The following GPRIN2 variants were observed in gnomAD, a reference collection of about 807,000 sequenced individuals.
GPRIN2 encodes G protein regulated inducer of neurite outgrowth 2.
GPRIN2 carries 1 observed loss-of-function variant against 0.3 expected under a neutral mutation model. The observed-to-expected ratio is 3.90, with a 90% CI of 1.39 to 18.51. GPRIN2 has a LOEUF of 18.51. Among genes scored for constraint, GPRIN2 ranks in the 30% most tolerant of loss-of-function variants. The pLI is 0.11. For synonymous variants in GPRIN2, 361 were observed against 258.6 expected (o/e 1.40, Z -3.80); for missense variants, 880 against 604.2 (o/e 1.46, Z -4.79).
rs3127848 is a variant in GPRIN2 at position 46,543,510 on chromosome 10, T to G, written c.*5850A>C. The stretch of plus-strand genomic sequence containing the variant: ...GTCCTTGGCTGTGTGCACACAGAGG[T>G]GCTGCAGTCCTGGGGCCATGTTCAT... On this transcript the variant is annotated 3_prime_UTR_variant, in exon 3 of 3. Transcript: ENST00000374314. 6.6e-6 allele frequency among the ~76,000 whole-genome samples: 1 copy of G among 152,262 alleles called. No homozygotes were observed.
chr10:46,553,136 G>A (rs1832067542), intron 2 of GPRIN2, among the ~76,000 whole-genome samples: 2 of 152,426 alleles, frequency 1.3e-5, no homozygotes, highest in South Asian at 4.1e-4. Flanking sequence ...GCTCAGAGAG[G>A]CTCAGTGACC....
At chr10:46,553,210 T>C (rs1293511412) in intron 2 of GPRIN2, among the ~76,000 whole-genome samples, 2 of 152,308 alleles carry the variant, frequency 1.3e-5, no homozygotes, top group Admixed American at 6.5e-5. Flanking sequence ...AGCAGGCCTA[T>C]GCCTCGCAGC....
rs888936889 is a variant in GPRIN2 at position 46,543,396 on chromosome 10, A to C, written c.*5964T>G. On this transcript the variant is annotated 3_prime_UTR_variant, in exon 3 of 3. Coordinates refer to ENST00000374314, the MANE Select transcript of GPRIN2 (RefSeq NM_001385282.1). ...CAGAACAAAGAGAACATGAAACCAC[A>C]AAAGAAGAACAGATTAAAGAGAAAT... 1.3e-5 allele frequency among the ~76,000 whole-genome samples: 2 copies of C among 152,310 alleles called. No homozygotes were observed. The highest frequency in any genetic ancestry group is 2.9e-5 in the Non-Finnish European group (2 of 68,058).
chr10:46,557,367 A>C (rs1843358203), upstream of GPRIN2, among the ~76,000 whole-genome samples: 1 of 152,300 alleles, frequency 6.6e-6, no homozygotes, highest in Non-Finnish European at 1.5e-5. Context: ...ATTGCCCCTC[A>C]AGAGCCCAGC....
rs1588954692 is a variant in GPRIN2 at position 46,546,701 on chromosome 10, G to C, written c.*2659C>G. Among the ~76,000 whole-genome samples the C allele has an allele frequency of 3.9e-5, 6 of 152,308 alleles. No individual in the cohort carries two copies. The South Asian group carries it at 1.0e-3, about 26-fold the overall frequency. On this transcript the variant is annotated 3_prime_UTR_variant, in exon 3 of 3. Transcript: ENST00000374314. ...CTGTTCCAGGAGAGGGCACAGCAAA[G>C]GGGGTTGGGAGGGGTCTCCAGTTCC...
At position 46,549,039 on chromosome 10, in the gene GPRIN2, G is replaced by A; in HGVS notation, c.*321C>T. ...TGACGAGGCAACATGGCAGAGTTCT[G>A]AGGGTGGAGTGAACAAAAGGTCATT... On this transcript the variant is annotated 3_prime_UTR_variant, in exon 3 of 3. Transcript: ENST00000374314. The A allele has an allele frequency of 5.1e-6, 2 of 390,834 alleles. No individual in the cohort carries two copies. Among genetic ancestry groups the A allele is most frequent in the Non-Finnish European group, 9.4e-6 (2 of 213,478 alleles). 24.2% of individuals were successfully genotyped at this position (390,834 alleles called of 1,614,324 possible). A position where few individuals can be genotyped will look rare whatever the true frequency, so the allele number is the denominator to read the frequency against.
In GPRIN2 at chr10:46,549,621, C is replaced by A. The variant is rs1832651424; in HGVS notation, c.1116G>T (p.Leu372=). The A allele has an allele frequency of 6.2e-7, 1 of 1,614,270 alleles. No homozygotes were observed. The highest frequency in any genetic ancestry group is 8.5e-7 in the Non-Finnish European group (1 of 1,180,022). ...VFPEVTLGSS[L]EEVPSPVRDV... ...CCCGCACAGGGGACGGCACCTCCTC[C>A]AGGCTGGACCCCAGAGTTACCTCTG... is the stretch of plus-strand genomic sequence containing the variant. Residue 372 remains leucine, a synonymous_variant, in exon 3 of 3, where the codon CTG becomes CTT. Transcript: ENST00000374314.
intron 1 of GPRIN2, among the ~76,000 whole-genome samples, chr10:46,555,164 C>T (rs1831935617): frequency 2.6e-4 from 39 of 152,414 alleles, no homozygotes; most frequent in African/African-American, 9.4e-4. Flanking sequence ...CCAGGCTGGT[C>T]TCGAACTCCT....
rs1842973884 is a variant in GPRIN2 at position 46,554,677 on chromosome 10, A to C, written c.-99T>G. ...CAATGCCAGGCTGTCCTGCTGCCTC[A>C]GGTTCCACCTGTCAGCAACTGGAAG... On this transcript the variant is annotated 5_prime_UTR_variant, in exon 2 of 3. Transcript: ENST00000374314. 2 of 153,880 alleles carry C rather than the reference A, an allele frequency of 1.3e-5. No individual in the cohort carries two copies. Among genetic ancestry groups the C allele is most frequent in the Non-Finnish European group, 2.9e-5 (2 of 69,248 alleles). The allele number at this position is 153,880 out of a possible 1,614,324, so 9.5% of individuals were successfully genotyped here.
Position 46,549,935 on chromosome 10 carries a change from A to ACTCGCT in GPRIN2, c.796_801dup (p.Glu267_Ser268dup), listed in dbSNP as rs1832542364. The ACTCGCT allele has an allele frequency of 1.2e-6, 2 of 1,614,284 alleles. No homozygotes were observed. Among genetic ancestry groups the ACTCGCT allele is most frequent in the South Asian group, 2.2e-5 (2 of 91,092 alleles). On this transcript the variant is annotated inframe_insertion, in exon 3 of 3. Transcript: ENST00000374314. Reference sequence around the variant, plus strand: ...ACCCCATGCTGAGCCTGCAGCCCAGACTCGCTCACTGACGCCACTAGTTTG... The same window carrying ACTCGCT: ...ACCCCATGCTGAGCCTGCAGCCCAGACTCGCTCTCGCTCACTGACGCCACTAGTTTG...
In GPRIN2 at chr10:46,550,687, C is replaced by G. The variant is rs144446753; in HGVS notation, c.50G>C (p.Arg17Pro). ...AGAGCTCTGGGACAGGGGCTGAAGG[C>G]GGGGGCTCAGGGGTGCCCAGGGACC... ...EPGPWAPLSP[R>P]LQPLSQSSSS... The change falls in exon 3 of 3, where the codon CGC becomes CCC. Residue 17 changes from arginine (R) to proline (P), a missense_variant. By Grantham distance (103) the Arg-to-Pro change is moderately radical (BLOSUM62 -2). Coordinates refer to ENST00000374314, the MANE Select transcript of GPRIN2 (RefSeq NM_001385282.1). The G allele has an allele frequency of 1.2e-5, 18 of 1,519,498 alleles. No homozygotes were observed. The African/African-American group carries it at 2.2e-4, about 19-fold the overall frequency. The allele number at this position is 1,519,498 out of a possible 1,614,324, so 94.1% of individuals were successfully genotyped here.
At chr10:46,552,007 C>T (rs1832149455) in intron 2 of GPRIN2, among the ~76,000 whole-genome samples, 1 of 152,430 alleles carries the variant, frequency 6.6e-6, no homozygotes, top group East Asian at 1.9e-4. Context: ...GTGTGCCTGA[C>T]CAAGAGAACA....
Position 46,547,559 on chromosome 10 carries a change from C to T in GPRIN2, c.*1801G>A, listed in dbSNP as rs1842277142. Reference sequence around the variant, plus strand: ...TGCCAGGCAGGTCCTGCCCTCTCTCCACCCACCTGTCTAACCCCTGCATCC... The same window carrying T: ...TGCCAGGCAGGTCCTGCCCTCTCTCTACCCACCTGTCTAACCCCTGCATCC... On this transcript the variant is annotated 3_prime_UTR_variant, in exon 3 of 3. Transcript: ENST00000374314. Among the ~76,000 whole-genome samples, 2 of 152,306 alleles carry T rather than the reference C, an allele frequency of 1.3e-5. No individual in the cohort carries two copies. The highest frequency in any genetic ancestry group is 2.9e-5 in the Non-Finnish European group (2 of 68,056).
chr10:46,545,215 G>T lies in GPRIN2; in HGVS notation c.*4145C>A, dbSNP rs1842050946. 6.6e-6 allele frequency among the ~76,000 whole-genome samples: 1 copy of T among 152,310 alleles called. No individual in the cohort carries two copies. The highest frequency in any genetic ancestry group is 6.5e-5 in the Admixed American group (1 of 15,294). On this transcript the variant is annotated 3_prime_UTR_variant, in exon 3 of 3. Transcript: ENST00000374314. ...CCCCCAGATGCCTGTGACTCCCTCT[G>T]GTGGTTTCTGTGCACAACTTCCCCC... is the stretch of plus-strand genomic sequence containing the variant.
chr10:46,550,163 TCGCCCCCAG>T lies in GPRIN2; in HGVS notation c.565_573del (p.Leu189_Ala191del), dbSNP rs1842478231. 1.3e-6 allele frequency: 2 copies of T among 1,599,260 alleles called. No homozygotes were observed. The highest frequency in any genetic ancestry group is 1.7e-6 in the Non-Finnish European group (2 of 1,172,212). On this transcript the variant is annotated inframe_deletion, in exon 3 of 3. Transcript: ENST00000374314. ...TCTAGTGGTGGCACTGACAACTGAC[TCGCCCCCAG>T]CATCCAGGCTGAGTTAGAAGTCTCA...
rs1832765752 is a variant in GPRIN2 at position 46,549,139 on chromosome 10, C to T, written c.*221G>A. Reference sequence around the variant, plus strand: ...CTCAAAGTTCAGAGCCCGGAAGGTGCAGAGATGTGGCCCTTGGAAATCAAG... The same window carrying T: ...CTCAAAGTTCAGAGCCCGGAAGGTGTAGAGATGTGGCCCTTGGAAATCAAG... On this transcript the variant is annotated 3_prime_UTR_variant, in exon 3 of 3. Coordinates refer to ENST00000374314, the MANE Select transcript of GPRIN2 (RefSeq NM_001385282.1). 1 of 546,886 alleles carries T rather than the reference C, an allele frequency of 1.8e-6. No homozygotes were observed. The highest frequency in any genetic ancestry group is 3.2e-5 in the East Asian group (1 of 31,308). The allele number at this position is 546,886 out of a possible 1,614,324, so 33.9% of individuals were successfully genotyped here. A position where few individuals can be genotyped will look rare whatever the true frequency, so the allele number is the denominator to read the frequency against.
chr10:46,549,178 A>C lies in GPRIN2; in HGVS notation c.*182T>G. ...TTGGAAATCAAGCCCTTAAGAAAAC[A>C]GCCCAGCTGTGTAGGGCCGGAAGCC... On this transcript the variant is annotated 3_prime_UTR_variant, in exon 3 of 3. Coordinates refer to ENST00000374314, the MANE Select transcript of GPRIN2 (RefSeq NM_001385282.1). 1.3e-6 allele frequency: 1 copy of C among 764,828 alleles called. No homozygotes were observed. Among genetic ancestry groups the C allele is most frequent in the Non-Finnish European group, 1.9e-6 (1 of 514,624 alleles). 47.4% of individuals were successfully genotyped at this position (764,828 alleles called of 1,614,324 possible).
rs1195775005 is a variant in GPRIN2, at chr10:46,549,461, C to A, written c.1276G>T (p.Asp426Tyr). 5.6e-6 allele frequency: 9 copies of A among 1,610,104 alleles called. No homozygotes were observed. In the African/African-American group the frequency reaches 1.2e-4, roughly 21 times the overall value. ...CTCCGGCCCTCCACAGACAGGCTGTCCTCGCTGGCGGGCGCCCGCTGCAGC... is the reference window on the plus strand; with the variant it reads ...CTCCGGCCCTCCACAGACAGGCTGTACTCGCTGGCGGGCGCCCGCTGCAGC... ...EQLQRAPASE[D>Y]SLSVEGRRGP... The change falls in exon 3 of 3, where the codon GAC becomes TAC. Residue 426 changes from aspartate to tyrosine, a missense_variant. Transcript: ENST00000374314.
At position 46,550,471 on chromosome 10, in the gene GPRIN2, T is replaced by C. The variant is rs1336442779; in HGVS notation, c.266A>G (p.His89Arg). Residue 89 changes from histidine to arginine, a missense_variant, in exon 3 of 3, where the codon CAC becomes CGC. Physicochemically the swap from His to Arg is conservative, Grantham distance 29 (BLOSUM62 0). Transcript: ENST00000374314. ...GPKARPSAGG[H>R]WWSSTVGNVS... ...ATTGCCCACAGTGCTGCTCCACCAG[T>C]GGCCTCCAGCACTGGGTCGCGCCTT... 3.1e-6 allele frequency: 5 copies of C among 1,611,326 alleles called. No individual in the cohort carries two copies. Among genetic ancestry groups the C allele is most frequent in the Non-Finnish European group, 4.2e-6 (5 of 1,179,038 alleles).
Sources: gnomAD v4.1 joint callset for allele counts (sites outside exome capture counted in the v4.1 genomes callset) on GRCh38, gnomAD v4.1.1 for gene constraint, MANE v1.5 for transcripts, NCBI Gene and HGNC (gene_info 2026-07-23, HGNC 2026-07-21) for gene names.